DLG1: variants seen among roughly 807,000 people sequenced by gnomAD.
DLG1 encodes discs large MAGUK scaffold protein 1, also known as disks large homolog 1.
A neutral mutation model predicts 123.4 loss-of-function variants in DLG1; 42 were observed. That is an observed-to-expected ratio of 0.34 (90% confidence interval 0.27 to 0.44). The LOEUF (loss-of-function observed/expected upper bound fraction) is 0.44. Among genes scored for constraint, DLG1 ranks in the 20% least tolerant of loss-of-function variants. The pLI, the probability that DLG1 is intolerant of heterozygous loss-of-function variation, is 1.00. For synonymous variants in DLG1, 317 were observed against 356.2 expected (o/e 0.89, Z 1.24); for missense variants, 942 against 1,082.6 (o/e 0.87, Z 1.82).
In DLG1 at chr3:197,043,524, A is replaced by G. The variant is rs1402159895; in HGVS notation, c.*1099T>C. On this transcript the variant is annotated 3_prime_UTR_variant, in exon 25 of 25. Coordinates refer to ENST00000667157, the MANE Select transcript of DLG1 (RefSeq NM_001366207.1). ...TATTCAATTAATATTTAATTTAAAA[A>G]CCAAACAAAAAGTTAGGAGTAGGTG... is the stretch of plus-strand genomic sequence containing the variant. 6.6e-6 allele frequency: 1 copy of G among 152,072 alleles called. No homozygotes were observed. The highest frequency in any genetic ancestry group is 1.5e-5 in the Non-Finnish European group (1 of 67,994). The allele number at this position is 152,072 out of a possible 1,614,324, so 9.4% of individuals were successfully genotyped here.
At chr3:197,288,718 T>TTAAAAAAAAA (rs1560171604) in intron 3 of DLG1, among the ~76,000 whole-genome samples, 1 of 30,420 alleles carries the variant, frequency 3.3e-5, no homozygotes, top group Non-Finnish European at 5.3e-5. Flanking sequence ...TGAAACTGTC[T>TTAAAAAAAAA]CAAAAAAAAA....
chr3:197,102,706 C>T (rs570136504), intron 14 of DLG1, among the ~76,000 whole-genome samples: 57 of 152,168 alleles, frequency 3.7e-4, no homozygotes, highest in Non-Finnish European at 4.1e-4. Context: ...GAAACCCCGT[C>T]GCTATTAAAA....
At chr3:197,108,493 C>T (rs9821148) in intron 13 of DLG1, among the ~76,000 whole-genome samples, 114,012 of 152,060 alleles carry the variant, frequency 0.75, 42,852 homozygotes, top group East Asian at 0.81. Context: ...TATTAAAATT[C>T]TCTATTTCTT....
At chr3:197,148,173 C>A (rs1791915038) in intron 6 of DLG1, among the ~76,000 whole-genome samples, 1 of 144,390 alleles carries the variant, frequency 6.9e-6, no homozygotes, top group Admixed American at 7.3e-5. Context: ...CTGAGGCGGG[C>A]TGGATGACTT....
chr3:197,214,994 G>C (rs943616267), intron 4 of DLG1, among the ~76,000 whole-genome samples: 4 of 151,996 alleles, frequency 2.6e-5, no homozygotes, highest in Non-Finnish European at 5.9e-5. Flanking sequence ...CTCTAATACA[G>C]GTAAAAACAT....
chr3:197,178,653 T>TAGGAAAAAGGAGGATACTATAA (rs1389703263), intron 5 of DLG1, among the ~76,000 whole-genome samples: 2 of 151,854 alleles, frequency 1.3e-5, no homozygotes, highest in Admixed American at 6.6e-5. Flanking sequence ...CATTTAGCAG[T>TAGGAAAAAGGAGGATACTATAA]AGGAAAAAGG....
At chr3:197,273,865 A>AAAAC (rs1553804416) in intron 4 of DLG1, among the ~76,000 whole-genome samples, 1 of 145,432 alleles carries the variant, frequency 6.9e-6, no homozygotes, top group Admixed American at 6.8e-5. Flanking sequence ...AAAAAAAAAA[A>AAAAC]CCAAAACAAA....
Position 197,182,816 on chromosome 3 carries a change from TCAAA to T in DLG1, c.483+11605_483+11608del, listed in dbSNP as rs145526395. On this transcript the variant is annotated intron_variant, in intron 5 of 24. Transcript: ENST00000667157. ...ACCCTTGTAGCAAACAATAGGTATT[TCAAA>T]CAATTATTAATTTTTCTTTATTTTT... Among the ~76,000 whole-genome samples, 746 of 152,278 alleles carry T rather than the reference TCAAA, an allele frequency of 4.9e-3. 3 individuals are homozygous for T. The highest frequency in any genetic ancestry group is 0.017 in the African/African-American group (707 of 41,574).
In DLG1 at chr3:197,064,194, T is replaced by C. The variant is rs1737868343; in HGVS notation, c.2373+1082A>G. On this transcript the variant is annotated intron_variant, in intron 22 of 24. Transcript: ENST00000667157. ...CTCAGCCTTCCACTGTGCCTGGCCT[T>C]ATTTTTTTTTTTTTTTGAGGCAGAG... 4.0e-5 allele frequency among the ~76,000 whole-genome samples: 6 copies of C among 149,000 alleles called. No individual in the cohort carries two copies. The Admixed American group carries it at 4.0e-4, about 10-fold the overall frequency.
At chr3:197,102,735 C>T (rs548267269) in intron 14 of DLG1, among the ~76,000 whole-genome samples, 1 of 152,228 alleles carries the variant, frequency 6.6e-6, no homozygotes, top group East Asian at 1.9e-4. Flanking sequence ...ATAAGCCGGG[C>T]GTGGTGGCAG....
intron 4 of DLG1, among the ~76,000 whole-genome samples, chr3:197,228,248 C>T (rs1740986932): frequency 6.6e-6 from 1 of 152,168 alleles, no homozygotes; most frequent in Non-Finnish European, 1.5e-5. Flanking sequence ...TCTCATTGAT[C>T]ATGTAGGTTG....
intron 5 of DLG1, among the ~76,000 whole-genome samples, chr3:197,154,414 ACCTGTAAT>A (rs1171212524): frequency 1.3e-5 from 2 of 149,772 alleles, no homozygotes; most frequent in East Asian, 4.0e-4. Context: ...AGTGGCTCAC[ACCTGTAAT>A]CCCAGCACTT....
At chr3:197,154,059 T>C (rs1795200918) in intron 5 of DLG1, among the ~76,000 whole-genome samples, 1 of 152,128 alleles carries the variant, frequency 6.6e-6, no homozygotes, top group South Asian at 2.1e-4. Context: ...TCCTAGCACT[T>C]TGGGAGGCTG....
chr3:197,102,745 G>A (rs568761076), intron 14 of DLG1, among the ~76,000 whole-genome samples: 1 of 152,296 alleles, frequency 6.6e-6, no homozygotes, highest in East Asian at 1.9e-4. Flanking sequence ...CGTGGTGGCA[G>A]GTGCCTGTAA....
Position 197,296,329 on chromosome 3 carries a change from G to A in DLG1, c.151+17C>T, listed in dbSNP as rs768005157. On this transcript the variant is annotated intron_variant, in intron 3 of 24. Transcript: ENST00000667157. Reference sequence around the variant, plus strand: ...AAAGCCTAGCTGGCATAATAGTTACGAAGTTTTAATTCCCACCTATTAAAG... The same window carrying A: ...AAAGCCTAGCTGGCATAATAGTTACAAAGTTTTAATTCCCACCTATTAAAG... 4.4e-6 allele frequency: 7 copies of A among 1,608,496 alleles called. No homozygotes were observed. The highest frequency in any genetic ancestry group is 2.2e-5 in the East Asian group (1 of 44,736).
intron 16 of DLG1, among the ~76,000 whole-genome samples, chr3:197,084,114 A>C (rs1324186399): frequency 6.6e-6 from 1 of 152,178 alleles, no homozygotes; most frequent in Non-Finnish European, 1.5e-5. Flanking sequence ...ATATTTCCAA[A>C]CATTTTGGCA....
chr3:197,229,454 TAAAAA>T (rs35520172), intron 4 of DLG1, among the ~76,000 whole-genome samples: 14 of 121,404 alleles, frequency 1.2e-4, no homozygotes, highest in Middle Eastern at 4.1e-3. Flanking sequence ...GCCTGTCTCT[TAAAAA>T]AAAAAAAAAA....
chr3:197,136,797 A>T, intron 9 of DLG1, 119 bp from the exon 10 acceptor site: 1 of 871,490 alleles, frequency 1.1e-6, no homozygotes, highest in Non-Finnish European at 1.7e-6. Context: ...AATAGAAAAG[A>T]ATCTATTTAG....
chr3:197,146,990 G>C (rs1050395963), intron 6 of DLG1, among the ~76,000 whole-genome samples: 4 of 152,118 alleles, frequency 2.6e-5, no homozygotes, highest in Non-Finnish European at 5.9e-5. Context: ...CTAAGGACAT[G>C]AATAGAAAAT....
Sources: gnomAD v4.1 joint callset for allele counts (sites outside exome capture counted in the v4.1 genomes callset) on GRCh38, gnomAD v4.1.1 for gene constraint, MANE v1.5 for transcripts, NCBI Gene and HGNC (gene_info 2026-07-23, HGNC 2026-07-21) for gene names.